The following ARAP2 variants were observed in gnomAD, a reference collection of about 807,000 sequenced individuals.
The protein encoded by ARAP2 is ArfGAP with RhoGAP domain, ankyrin repeat and PH domain 2.
ARAP2 carries 148 observed loss-of-function variants against 194.5 expected under a neutral mutation model. That is an observed-to-expected ratio of 0.76 (90% CI 0.67 to 0.87). ARAP2 has a LOEUF of 0.87. Among genes scored for constraint, ARAP2 ranks in the 40% least tolerant of loss-of-function variants. The pLI is 0.00. For missense variants in ARAP2, 2,128 were observed against 1,989.7 expected, an observed-to-expected ratio of 1.07 and a Z score of -1.32; for synonymous variants, 695 against 683.5, an observed-to-expected ratio of 1.02 and a Z score of -0.26.
intron 7 of ARAP2, among the ~76,000 whole-genome samples, chr4:36,189,661 G>GT (rs1486240593): frequency 6.6e-6 from 1 of 152,040 alleles, no homozygotes; most frequent in Non-Finnish European, 1.5e-5. Flanking sequence ...AATATGGGCT[G>GT]TTTAACTTTC....
At chr4:36,241,831 A>C (rs1753572990) in intron 1 of ARAP2, among the ~76,000 whole-genome samples, 1 of 152,164 alleles carries the variant, frequency 6.6e-6, no homozygotes, top group African/African-American at 2.4e-5. Context: ...ATCATCCTTC[A>C]TGAGTTCTCA....
intron 2 of ARAP2, among the ~76,000 whole-genome samples, chr4:36,219,243 T>C (rs985386832): frequency 1.2e-4 from 19 of 152,178 alleles, no homozygotes; most frequent in Non-Finnish European, 7.4e-5. Context: ...CGGCCATGCA[T>C]ACAAATATGC....
intron 5 of ARAP2, among the ~76,000 whole-genome samples, chr4:36,026,570 A>G (rs1168191086): frequency 1.3e-5 from 2 of 152,174 alleles, no homozygotes; most frequent in Non-Finnish European, 2.9e-5. Flanking sequence ...AATGGTGAGG[A>G]CACCACACTG....
intron 19 of ARAP2, among the ~76,000 whole-genome samples, chr4:36,139,712 T>C (rs989836816): frequency 6.6e-6 from 1 of 151,628 alleles, no homozygotes; most frequent in African/African-American, 2.4e-5. Context: ...GTTTTATAGC[T>C]CCATCACACA....
chr4:36,032,203 C>T (rs1719097261), intron 5 of ARAP2, among the ~76,000 whole-genome samples: 1 of 152,064 alleles, frequency 6.6e-6, no homozygotes, highest in Admixed American at 6.6e-5. Flanking sequence ...ACTAAATTGG[C>T]CTAACAGCAT....
intron 1 of ARAP2, among the ~76,000 whole-genome samples, chr4:36,243,074 T>C (rs139235313): frequency 6.6e-6 from 1 of 151,368 alleles, no homozygotes; most frequent in East Asian, 1.9e-4. Flanking sequence ...TGTAAGTGTA[T>C]GGAAGTCATA....
chr4:36,204,244 A>C (rs527789247), intron 6 of ARAP2, among the ~76,000 whole-genome samples: 1 of 152,342 alleles, frequency 6.6e-6, no homozygotes, highest in Admixed American at 6.5e-5. Context: ...AAGTATCAAA[A>C]ATGAGATTTC....
rs545436017 is a variant in ARAP2 at position 36,016,391 on chromosome 4, G to A, written n.751-433C>T. On this transcript the variant is annotated intron_variant and non_coding_transcript_variant, in intron 6 of 12. Transcript: ENST00000503225. ...AGATTTCCACTGTGTTTAACGTGTT[G>A]CTTCTTAATATATATCTAAAGCATT... is the stretch of plus-strand genomic sequence containing the variant. Among the ~76,000 whole-genome samples the A allele has an allele frequency of 2.6e-4, 39 of 152,172 alleles. 2 individuals are homozygous for A. The South Asian group carries it at 4.4e-3, about 17-fold the overall frequency.
chr4:36,087,089 A>G (rs1712082146), intron 28 of ARAP2, among the ~76,000 whole-genome samples: 1 of 152,128 alleles, frequency 6.6e-6, no homozygotes, highest in Non-Finnish European at 1.5e-5. Flanking sequence ...TATTAATGGC[A>G]ACCACTAAAA....
At chr4:36,096,544 A>G (rs2109409370) in intron 27 of ARAP2, among the ~76,000 whole-genome samples, 1 of 152,184 alleles carries the variant, frequency 6.6e-6, no homozygotes, top group Non-Finnish European at 1.5e-5. Flanking sequence ...TGAGCATGGA[A>G]TGACCACTTG....
chr4:36,201,512 ATTT>A (rs77030449), intron 6 of ARAP2, among the ~76,000 whole-genome samples: 1,627 of 152,272 alleles, frequency 0.011, 30 homozygotes, highest in East Asian at 0.087. Flanking sequence ...GGAAACATTT[ATTT>A]AAGAAGCTTT....
chr4:36,050,852 G>A (rs1030189089), intron 3 of ARAP2, among the ~76,000 whole-genome samples: 1 of 152,158 alleles, frequency 6.6e-6, no homozygotes, highest in Non-Finnish European at 1.5e-5. Context: ...TCTATTGCAG[G>A]AAGGACAAGT....
At chr4:36,216,871 A>G (rs1331350296) in intron 2 of ARAP2, among the ~76,000 whole-genome samples, 1 of 152,246 alleles carries the variant, frequency 6.6e-6, no homozygotes, top group Non-Finnish European at 1.5e-5. Flanking sequence ...GTTGTTAGGC[A>G]ATTTCATCAT....
At chr4:36,154,251 C>T (rs931773640) in intron 15 of ARAP2, among the ~76,000 whole-genome samples, 24 of 152,128 alleles carry the variant, frequency 1.6e-4, no homozygotes, top group African/African-American at 4.1e-4. Flanking sequence ...TAATAGTATT[C>T]GGCACCCACT....
chr4:36,219,479 T>C (rs73130408), intron 2 of ARAP2, among the ~76,000 whole-genome samples: 7,746 of 152,218 alleles, frequency 0.051, 423 homozygotes, highest in African/African-American at 0.14. Flanking sequence ...AATAGTGAAA[T>C]CTACAGGTGC....
intron 1 of ARAP2, among the ~76,000 whole-genome samples, chr4:36,059,405 C>T (rs972993688): frequency 3.3e-5 from 5 of 152,130 alleles, no homozygotes; most frequent in Non-Finnish European, 5.9e-5. Context: ...TGAGCTAGAC[C>T]TCCTGGGTTT....
chr4:36,160,781 A>G, intron 12 of ARAP2, 140 bp from the exon 13 acceptor site: 2 of 683,788 alleles, frequency 2.9e-6, no homozygotes, highest in Non-Finnish European at 2.1e-6. Flanking sequence ...CAACTATTCC[A>G]GAAAAAGGAA....
rs1750935481 is a variant in ARAP2, at chr4:36,229,104, T to G, written c.383A>C (p.Glu128Ala). Residue 128 changes from glutamate to alanine, a missense_variant, in exon 2 of 33, where the codon GAA becomes GCA. Physicochemically the swap from Glu to Ala is moderately radical, Grantham distance 107. Coordinates refer to ENST00000303965, the MANE Select transcript of ARAP2 (RefSeq NM_015230.4). ...TCTTTCCACACTTGCATCACTGTCTTCAAGATTTTTTCTAACAGTCTCCAA... is the reference window on the plus strand; with the variant it reads ...TCTTTCCACACTTGCATCACTGTCTGCAAGATTTTTTCTAACAGTCTCCAA... Reference protein sequence around the residue: ...PQLETVRKNLEDSDASVERSQ... With the variant: ...PQLETVRKNLADSDASVERSQ... The G allele has an allele frequency of 1.2e-6, 2 of 1,613,962 alleles. No individual in the cohort carries two copies. Among genetic ancestry groups the G allele is most frequent in the South Asian group, 2.2e-5 (2 of 91,070 alleles).
chr4:36,130,064 C>CATAGATTCTTCATCAT lies in ARAP2; in HGVS notation c.3428-1335_3428-1320dup, dbSNP rs565871225. ...AAACAAAAAATGCAGTACTGCATCA[C>CATAGATTCTTCATCAT]ATAGATTCTTCATCATGATCTCACT... On this transcript the variant is annotated intron_variant, in intron 20 of 32. Coordinates refer to ENST00000303965, the MANE Select transcript of ARAP2 (RefSeq NM_015230.4). 2.4e-3 allele frequency among the ~76,000 whole-genome samples: 361 copies of CATAGATTCTTCATCAT among 152,054 alleles called. 3 individuals carry two copies. Among genetic ancestry groups the CATAGATTCTTCATCAT allele is most frequent in the African/African-American group, 8.3e-3 (343 of 41,528 alleles).
Sources: allele counts gnomAD v4.1 joint callset (sites outside exome capture counted in the v4.1 genomes callset), GRCh38; gene constraint gnomAD v4.1.1; transcripts MANE v1.5; gene names NCBI Gene and HGNC (gene_info 2026-07-23, HGNC 2026-07-21).